The following RFC3 variants were observed in gnomAD, a reference collection of about 807,000 sequenced individuals.
RFC3 encodes replication factor C subunit 3.
In RFC3, 41 loss-of-function variants were observed where a neutral mutation model predicts 45.1. The ratio of observed to expected loss-of-function variants is 0.91; its 90% CI spans 0.71 to 1.18. The LOEUF is 1.18. Among genes scored for constraint, RFC3 ranks in the 50% most tolerant of loss-of-function variants. The probability of loss-of-function intolerance (pLI) is 0.00; values close to 1 mark genes in which losing one functional copy is unlikely to be tolerated. For missense variants in RFC3, 423 were observed against 428.1 expected (o/e 0.99, Z 0.10); for synonymous variants, 149 against 144.0 (o/e 1.03, Z -0.25).
At chr13:33,878,088 G>A (rs2082459760) in intron 8 of RFC3, among the ~76,000 whole-genome samples, 1 of 152,010 alleles carries the variant, frequency 6.6e-6, no homozygotes, top group Non-Finnish European at 1.5e-5. Context: ...ATATGCATCT[G>A]TAACAATGCC....
rs3135571 is a variant in RFC3 at position 33,825,187 on chromosome 13, A to G, written c.294-602A>G. Among the ~76,000 whole-genome samples the G allele has an allele frequency of 6.7e-3, 1,020 of 152,286 alleles. 9 individuals carry two copies. Among genetic ancestry groups the G allele is most frequent in the African/African-American group, 0.023 (975 of 41,584 alleles). ...TGAGAGGTCTTTGACTGAAGTGCCA[A>G]AGCAATAATATTGGTGTAAATGACA... On this transcript the variant is annotated intron_variant, in intron 3 of 8. Transcript: ENST00000380071.
intron 8 of RFC3, among the ~76,000 whole-genome samples, chr13:33,930,225 A>C (rs546638749): frequency 6.6e-6 from 1 of 152,208 alleles, no homozygotes; most frequent in Non-Finnish European, 1.5e-5. Context: ...CACAAGGTGA[A>C]GTCCCGCAAT....
At chr13:33,871,041 G>C (rs559986408) in intron 8 of RFC3, among the ~76,000 whole-genome samples, 2 of 152,254 alleles carry the variant, frequency 1.3e-5, no homozygotes, top group South Asian at 4.1e-4. Context: ...GGAGCCCTCT[G>C]GTATATGGTA....
At chr13:33,908,607 TACACACACACACACACACACAC>T (rs71074991) in intron 8 of RFC3, among the ~76,000 whole-genome samples, 4 of 142,602 alleles carry the variant, frequency 2.8e-5, no homozygotes, top group Non-Finnish European at 4.6e-5. Context: ...ACACAGGAGA[TACACACACACACACACACACAC>T]ACACACACAC....
At chr13:33,919,516 G>C (rs1056204044) in intron 8 of RFC3, among the ~76,000 whole-genome samples, 3 of 152,116 alleles carry the variant, frequency 2.0e-5, no homozygotes, top group African/African-American at 7.2e-5. Flanking sequence ...CTGTGGTTAT[G>C]AGAATCAATA....
chr13:33,965,380 G>A (rs1214632825), intron 8 of RFC3, among the ~76,000 whole-genome samples: 1 of 152,128 alleles, frequency 6.6e-6, no homozygotes, highest in Admixed American at 6.6e-5. Context: ...ATTGCCAAGA[G>A]TATTCAGTAC....
At chr13:33,895,973 T>A (rs2082595290) in intron 8 of RFC3, among the ~76,000 whole-genome samples, 1 of 152,086 alleles carries the variant, frequency 6.6e-6, no homozygotes, top group Non-Finnish European at 1.5e-5. Context: ...TGCAAAGGCA[T>A]ACACAGTGGT....
intron 4 of RFC3, among the ~76,000 whole-genome samples, chr13:33,829,035 G>A (rs1405718220): frequency 6.6e-6 from 1 of 152,130 alleles, no homozygotes; most frequent in Non-Finnish European, 1.5e-5. Flanking sequence ...CCTGGTTTCT[G>A]TATAATGTTC....
At chr13:33,943,065 G>A (rs190607417) in intron 8 of RFC3, among the ~76,000 whole-genome samples, 3 of 152,190 alleles carry the variant, frequency 2.0e-5, no homozygotes, top group Admixed American at 1.3e-4. Context: ...CATAATTTTA[G>A]TCAAGGCCTT....
chr13:33,830,845 A>G lies in RFC3; in HGVS notation c.700A>G (p.Arg234Gly). 6.2e-7 allele frequency: 1 copy of G among 1,611,960 alleles called. No homozygotes were observed. ...AGCCCTGCTTATGTGTGAAGCCTGCAGAGTGCAACAGTGAGTGGAAGGGGT... is the reference window on the plus strand; with the variant it reads ...AGCCCTGCTTATGTGTGAAGCCTGCGGAGTGCAACAGTGAGTGGAAGGGGT... ...RKALLMCEAC[R>G]VQQYPFTADQ... Residue 234 changes from arginine to glycine, a missense_variant, in exon 6 of 9, where the codon AGA (arginine) becomes GGA (glycine). Transcript: ENST00000380071.
intron 8 of RFC3, among the ~76,000 whole-genome samples, chr13:33,851,335 A>G (rs1424063401): frequency 1.3e-5 from 2 of 152,188 alleles, no homozygotes; most frequent in Admixed American, 6.6e-5. Flanking sequence ...TTGAAAATCA[A>G]CATAGAACTT....
At chr13:33,877,678 A>G (rs1179675516) in intron 8 of RFC3, among the ~76,000 whole-genome samples, 1 of 149,922 alleles carries the variant, frequency 6.7e-6, no homozygotes, top group Non-Finnish European at 1.5e-5. Context: ...ATGATGGATT[A>G]TAAACATTTT....
At chr13:33,973,030 G>T in the RFC3 span, among the ~76,000 whole-genome samples, 1 of 152,144 alleles carries the variant, frequency 6.6e-6, no homozygotes, top group Non-Finnish European at 1.5e-5. Flanking sequence ...ATCCATATCA[G>T]CTTTGAAGGA....
At chr13:33,960,731 C>T (rs76336833) in intron 8 of RFC3, among the ~76,000 whole-genome samples, 1 of 152,136 alleles carries the variant, frequency 6.6e-6, no homozygotes, top group Non-Finnish European at 1.5e-5. Context: ...ATTCACACAC[C>T]CTTATTTCTC....
intron 8 of RFC3, among the ~76,000 whole-genome samples, chr13:33,852,689 A>T (rs2082284041): frequency 6.6e-6 from 1 of 152,180 alleles, no homozygotes; most frequent in South Asian, 2.1e-4. Context: ...AATAGTTTAT[A>T]AAGACTTATA....
chr13:33,966,978 G>A (rs772941725), downstream of RFC3, among the ~76,000 whole-genome samples: 3 of 151,912 alleles, frequency 2.0e-5, no homozygotes, highest in Non-Finnish European at 2.9e-5. Flanking sequence ...GCAACATGGC[G>A]AAACCCCGTC....
intron 7 of RFC3, among the ~76,000 whole-genome samples, chr13:33,834,068 T>A (rs2082127336): frequency 1.3e-5 from 2 of 152,120 alleles, no homozygotes; most frequent in South Asian, 4.2e-4. Context: ...AGTTTTTTCA[T>A]CTGAAATAAA....
At chr13:33,968,829 G>T (rs190526800), downstream of RFC3, among the ~76,000 whole-genome samples, 1 of 152,142 alleles carries the variant, frequency 6.6e-6, no homozygotes, top group African/African-American at 2.4e-5. Context: ...GGAAGTTCTG[G>T]TTATTAAAGA....
chr13:33,960,759 A>G (rs1340997930), intron 8 of RFC3, among the ~76,000 whole-genome samples: 5 of 152,224 alleles, frequency 3.3e-5, no homozygotes, highest in African/African-American at 9.7e-5. Context: ...GCACCCCAGC[A>G]GACTGGCCTC....
Sources: gnomAD v4.1 joint callset for allele counts (sites outside exome capture counted in the v4.1 genomes callset) on GRCh38, gnomAD v4.1.1 for gene constraint, MANE v1.5 for transcripts, NCBI Gene and HGNC (gene_info 2026-07-23, HGNC 2026-07-21) for gene names.